The following ANKRD12 variants were observed in gnomAD, a reference collection of about 807,000 sequenced individuals.
ANKRD12 encodes the protein ankyrin repeat domain 12.
ANKRD12 carries 85 observed loss-of-function variants against 183.4 expected under a neutral mutation model. The observed-to-expected ratio is 0.46, with a 90% confidence interval of 0.39 to 0.56. ANKRD12 has a LOEUF of 0.56. Ranked by LOEUF, ANKRD12 falls within the 20% of genes least tolerant of loss-of-function variation. The probability of loss-of-function intolerance (pLI) is 0.00; values close to 1 mark genes in which losing one functional copy is unlikely to be tolerated. For missense variants in ANKRD12, 2,405 were observed against 2,357.1 expected (o/e 1.02, Z -0.42); for synonymous variants, 914 against 800.2 (o/e 1.14, Z -2.40).
intron 1 of ANKRD12, among the ~76,000 whole-genome samples, chr18:9,155,193 GAATC>G (rs1404124298): frequency 1.3e-5 from 2 of 152,148 alleles, no homozygotes; most frequent in Non-Finnish European, 2.9e-5. Flanking sequence ...AAAGTAGAAA[GAATC>G]AATAAGACCT....
intron 8 of ANKRD12, among the ~76,000 whole-genome samples, chr18:9,253,055 T>G (rs2038394466): frequency 2.0e-5 from 3 of 152,164 alleles, no homozygotes; most frequent in African/African-American, 7.2e-5. Context: ...TGTGTATTTT[T>G]GGTTAATTTT....
At chr18:9,152,042 C>G (rs945045003) in intron 1 of ANKRD12, among the ~76,000 whole-genome samples, 2 of 152,098 alleles carry the variant, frequency 1.3e-5, no homozygotes. Flanking sequence ...CAAAGCAAGA[C>G]CTGGTCTCAA....
intron 1 of ANKRD12, among the ~76,000 whole-genome samples, chr18:9,157,573 G>GTATATATATATATATA (rs1409678510): frequency 1.8e-5 from 2 of 112,160 alleles, no homozygotes; most frequent in African/African-American, 4.2e-5. Context: ...GTGTGTGTGT[G>GTATATATATATATATA]TGTGTGTGTG....
intron 4 of ANKRD12, among the ~76,000 whole-genome samples, chr18:9,204,965 T>G (rs558485053): frequency 6.6e-6 from 1 of 152,368 alleles, no homozygotes; most frequent in South Asian, 2.1e-4. Context: ...TTTAGTCATG[T>G]GATGTTTTTT....
At chr18:9,242,062 CAT>C (rs962828719) in intron 8 of ANKRD12, among the ~76,000 whole-genome samples, 8 of 151,948 alleles carry the variant, frequency 5.3e-5, no homozygotes, top group African/African-American at 1.2e-4. Flanking sequence ...CACACACACA[CAT>C]ATCAGAAAAA....
At chr18:9,165,156 G>A (rs867756154) in intron 1 of ANKRD12, among the ~76,000 whole-genome samples, 7 of 151,892 alleles carry the variant, frequency 4.6e-5, no homozygotes, top group South Asian at 2.1e-4. Context: ...ACGTGATGTC[G>A]TTTGTCTTTT....
At chr18:9,258,965 A>T in intron 9 of ANKRD12, 34 bp downstream of exon 9, 1 of 1,550,688 alleles carries the variant, frequency 6.4e-7, no homozygotes. Flanking sequence ...TACACCTGTA[A>T]CACTGCCCAA....
chr18:9,222,775 T>C (rs909977359), intron 8 of ANKRD12, among the ~76,000 whole-genome samples: 1 of 152,178 alleles, frequency 6.6e-6, no homozygotes. Context: ...GTTCTACCCT[T>C]TATTTTCATG....
chr18:9,223,009 T>C (rs2036506758), intron 8 of ANKRD12, among the ~76,000 whole-genome samples: 1 of 152,196 alleles, frequency 6.6e-6, no homozygotes, highest in Non-Finnish European at 1.5e-5. Context: ...TATTGTCAAA[T>C]TGAATGTAAA....
chr18:9,142,851 T>G (rs1203842607), intron 1 of ANKRD12, among the ~76,000 whole-genome samples: 1 of 150,942 alleles, frequency 6.6e-6, no homozygotes, highest in Non-Finnish European at 1.5e-5. Context: ...GCCACTGCAC[T>G]CCAGCCTGGG....
chr18:9,193,144 T>A (rs1171156088), intron 2 of ANKRD12, among the ~76,000 whole-genome samples: 1 of 151,120 alleles, frequency 6.6e-6, no homozygotes, highest in East Asian at 1.9e-4. Context: ...CATTTTTTTT[T>A]TTTTTTTTTT....
chr18:9,146,404 T>A (rs569108725), intron 1 of ANKRD12, among the ~76,000 whole-genome samples: 11 of 152,142 alleles, frequency 7.2e-5, no homozygotes, highest in Admixed American at 2.0e-4. Context: ...GAGTTTTGGC[T>A]GGGCACAGTG....
chr18:9,217,050 T>C (rs1023563726), intron 7 of ANKRD12, 150 bp downstream of exon 7: 3 of 722,380 alleles, frequency 4.2e-6, no homozygotes, highest in African/African-American at 1.8e-5. Flanking sequence ...CCCTTTTTTC[T>C]ACTAAGTATT....
chr18:9,203,583 A>ATG (rs35436449), intron 3 of ANKRD12, among the ~76,000 whole-genome samples: 17,934 of 151,622 alleles, frequency 0.12, 1,252 homozygotes, highest in African/African-American at 0.19. Context: ...ATATATATAT[A>ATG]TGTGTGTGTG....
chr18:9,174,286 C>T (rs1157892319), intron 1 of ANKRD12, among the ~76,000 whole-genome samples: 1 of 152,216 alleles, frequency 6.6e-6, no homozygotes, highest in East Asian at 1.9e-4. Context: ...GTTGAGGTGC[C>T]ATGGAAGTGA....
intron 1 of ANKRD12, among the ~76,000 whole-genome samples, chr18:9,156,983 G>A (rs1170671562): frequency 1.3e-5 from 2 of 152,188 alleles, no homozygotes; most frequent in African/African-American, 4.8e-5. Flanking sequence ...GGAAAAGTGG[G>A]AAATGAGTTT....
chr18:9,166,772 T>G (rs933207551), intron 1 of ANKRD12, among the ~76,000 whole-genome samples: 1 of 152,228 alleles, frequency 6.6e-6, no homozygotes, highest in African/African-American at 2.4e-5. Context: ...TTTTGGTGTT[T>G]TAGTCATGAA....
chr18:9,267,852 C>A (rs1439110527), intron 10 of ANKRD12, among the ~76,000 whole-genome samples: 1 of 151,884 alleles, frequency 6.6e-6, no homozygotes, highest in African/African-American at 2.4e-5. Flanking sequence ...TTGAAAAGAT[C>A]AACAAAATTG....
At chr18:9,148,111 A>T (rs769706256) in intron 1 of ANKRD12, among the ~76,000 whole-genome samples, 2 of 152,174 alleles carry the variant, frequency 1.3e-5, no homozygotes, top group African/African-American at 2.4e-5. Flanking sequence ...AAAGCTGGCT[A>T]ACCATTTTCT....
Sources: gnomAD v4.1 joint callset for allele counts (sites outside exome capture counted in the v4.1 genomes callset) on GRCh38, gnomAD v4.1.1 for gene constraint, MANE v1.5 for transcripts, NCBI Gene and HGNC (gene_info 2026-07-23, HGNC 2026-07-21) for gene names.